The following SHROOM4 variants were observed in gnomAD, a reference collection of about 807,000 sequenced individuals.
SHROOM4 encodes the protein shroom family member 4, also known as protein Shroom4.
A neutral mutation model predicts 80.3 loss-of-function variants in SHROOM4; 17 were observed. That is an observed-to-expected ratio of 0.21 (90% CI 0.14 to 0.32). The LOEUF (loss-of-function observed/expected upper bound fraction) is 0.32. Among genes scored for constraint, SHROOM4 ranks in the 10% least tolerant of loss-of-function variants. The pLI, the probability that SHROOM4 is intolerant of heterozygous loss-of-function variation, is 1.00. For synonymous variants in SHROOM4, 400 were observed against 437.5 expected, an observed-to-expected ratio of 0.91 and a Z score of 1.07; for missense variants, 993 against 1,140.3, an observed-to-expected ratio of 0.87 and a Z score of 1.86.
chrX:50,614,507 A>T (rs868927203), intron 5 of SHROOM4, among the ~76,000 whole-genome samples: 1 of 112,532 alleles, frequency 8.9e-6, no homozygotes, highest in Non-Finnish European at 1.9e-5. Flanking sequence ...AAGGTGTTCG[A>T]CCTCACTTAA....
At chrX:50,705,989 T>TACACACACACACACACACACACAC (rs56363612) in intron 1 of SHROOM4, among the ~76,000 whole-genome samples, 1 of 74,393 alleles carries the variant, frequency 1.3e-5, no homozygotes, top group African/African-American at 4.8e-5. Context: ...TCTCATCCTC[T>TACACACACACACACACACACACAC]ACACACACAC....
chrX:50,688,458 T>C (rs1233760741), intron 2 of SHROOM4, among the ~76,000 whole-genome samples: 1 of 110,963 alleles, frequency 9.0e-6, no homozygotes, highest in Non-Finnish European at 1.9e-5. Flanking sequence ...TTATGTTAAG[T>C]GAAATAAGCC....
At chrX:50,694,041 G>A (rs1001246701) in intron 2 of SHROOM4, among the ~76,000 whole-genome samples, 12 of 111,374 alleles carry the variant, frequency 1.1e-4, no homozygotes, top group Non-Finnish European at 1.7e-4. Context: ...TAAATGACAG[G>A]ATTTCATTCT....
At chrX:50,671,854 T>G (rs1932800762) in intron 2 of SHROOM4, among the ~76,000 whole-genome samples, 1 of 113,094 alleles carries the variant, frequency 8.8e-6, no homozygotes, top group Admixed American at 9.3e-5. Flanking sequence ...GCAAGAGGCC[T>G]GGCTTTCAGC....
At position 50,634,723 on chromosome X, in the gene SHROOM4, C is replaced by A. The variant is rs1297981756; in HGVS notation, c.1350G>T (p.Leu450Phe). The change falls in exon 4 of 9, where the codon TTG (leucine) becomes TTT (phenylalanine). Residue 450 changes from leucine (L) to phenylalanine (F), a missense_variant. Physicochemically the swap from Leu to Phe is conservative, Grantham distance 22. Transcript: ENST00000376020. Reference protein sequence around the residue: ...QDGHQWTLSPLHSSHKGKKSP... With the variant: ...QDGHQWTLSPFHSSHKGKKSP... Reference sequence around the variant, plus strand: ...TTTTCTTCCCTTTGTGGCTGCTGTGCAAAGGGGACAGAGTCCACTGGTGCC... The same window carrying A: ...TTTTCTTCCCTTTGTGGCTGCTGTGAAAAGGGGACAGAGTCCACTGGTGCC... 8.3e-7 allele frequency: 1 copy of A among 1,209,800 alleles called. No individual in the cohort carries two copies. Among genetic ancestry groups the A allele is most frequent in the Non-Finnish European group, 1.1e-6 (1 of 895,262 alleles).
chrX:50,722,388 C>T (rs1337781601), intron 1 of SHROOM4, among the ~76,000 whole-genome samples: 1 of 110,127 alleles, frequency 9.1e-6, no homozygotes, highest in Non-Finnish European at 1.9e-5. Context: ...ACTCTCAGGC[C>T]AGCTTCAGTC....
chrX:50,695,488 G>T (rs1933345709), intron 2 of SHROOM4, among the ~76,000 whole-genome samples: 3 of 111,781 alleles, frequency 2.7e-5, no homozygotes, highest in African/African-American at 9.8e-5. Flanking sequence ...AAAAACACTG[G>T]ATTAGGTAGC....
intron 1 of SHROOM4, among the ~76,000 whole-genome samples, chrX:50,729,270 A>G (rs782462811): frequency 1.8e-5 from 2 of 111,823 alleles, no homozygotes; most frequent in South Asian, 7.5e-4. Context: ...GCATGCTTGA[A>G]GAATGAAAGA....
At chrX:50,613,098 C>T (rs1412955945) in intron 5 of SHROOM4, among the ~76,000 whole-genome samples, 7 of 111,877 alleles carry the variant, frequency 6.3e-5, no homozygotes, top group East Asian at 2.8e-4. Context: ...ATAGATGATA[C>T]GATTATTTAT....
intron 1 of SHROOM4, among the ~76,000 whole-genome samples, chrX:50,796,306 T>C (rs1292846870): frequency 8.9e-6 from 1 of 112,094 alleles, no homozygotes; most frequent in Non-Finnish European, 1.9e-5. Context: ...CTAAGATTCC[T>C]TTCAACTGTA....
At chrX:50,727,414 G>T (rs962676082) in intron 1 of SHROOM4, among the ~76,000 whole-genome samples, 2 of 111,661 alleles carry the variant, frequency 1.8e-5, no homozygotes, top group Non-Finnish European at 3.8e-5. Context: ...ATTTGGGAGG[G>T]GCTGGGGCAG....
chrX:50,722,169 G>A (rs1391079183), intron 1 of SHROOM4, among the ~76,000 whole-genome samples: 1 of 110,917 alleles, frequency 9.0e-6, no homozygotes. Flanking sequence ...CTTGAGTTAA[G>A]TAATAGCAGA....
rs781926131 is a variant in SHROOM4, at chrX:50,591,876, C to G, written c.*4819G>C. The G allele has an allele frequency of 1.3e-5, 4 of 316,595 alleles. No homozygotes were observed. Among genetic ancestry groups the G allele is most frequent in the Non-Finnish European group, 2.4e-5 (4 of 164,119 alleles). 26.1% of individuals were successfully genotyped at this position (316,595 alleles called of 1,213,427 possible). ...GGGACTACTGGTGCGTGCCACCACA[C>G]CTGGCTAATTTTTTGTATTTTTAGT... On this transcript the variant is annotated 3_prime_UTR_variant, in exon 9 of 9. Coordinates refer to ENST00000376020, the MANE Select transcript of SHROOM4 (RefSeq NM_020717.5).
intron 5 of SHROOM4, among the ~76,000 whole-genome samples, chrX:50,616,943 A>AT (rs1329966325): frequency 1.8e-5 from 2 of 111,680 alleles, no homozygotes; most frequent in Non-Finnish European, 3.8e-5. Flanking sequence ...TCCGATGTAG[A>AT]TTTTATGAAA....
intron 1 of SHROOM4, among the ~76,000 whole-genome samples, chrX:50,789,545 A>C (rs1327507073): frequency 8.9e-6 from 1 of 111,915 alleles, no homozygotes; most frequent in African/African-American, 3.2e-5. Flanking sequence ...ACATTAAAAA[A>C]GAAAAATCTC....
intron 5 of SHROOM4, among the ~76,000 whole-genome samples, chrX:50,624,767 C>A: frequency 9.1e-6 from 1 of 110,229 alleles, no homozygotes; most frequent in Middle Eastern, 4.7e-3. Flanking sequence ...TGTGTACTAT[C>A]TCATGCTTGG....
At chrX:50,799,352 AAACT>A (rs1218387680) in intron 1 of SHROOM4, among the ~76,000 whole-genome samples, 1 of 112,231 alleles carries the variant, frequency 8.9e-6, no homozygotes, top group Non-Finnish European at 1.9e-5. Context: ...GGACAGGAAC[AAACT>A]AAGAGAAGCC....
chrX:50,805,022 C>T (rs1006505669), intron 1 of SHROOM4, among the ~76,000 whole-genome samples: 9 of 111,732 alleles, frequency 8.1e-5, no homozygotes, highest in African/African-American at 2.3e-4. Flanking sequence ...CACTCACACT[C>T]TCAGTCAGAG....
chrX:50,621,614 A>C (rs1417795013), intron 5 of SHROOM4, among the ~76,000 whole-genome samples: 3 of 112,026 alleles, frequency 2.7e-5, no homozygotes, highest in Non-Finnish European at 5.6e-5. Context: ...TTCTCCCATT[A>C]GAGTTTTATA....
Sources: allele counts gnomAD v4.1 joint callset (sites outside exome capture counted in the v4.1 genomes callset), GRCh38; gene constraint gnomAD v4.1.1; transcripts MANE v1.5; gene names NCBI Gene and HGNC (gene_info 2026-07-23, HGNC 2026-07-21).